Variants in CRPPA observed in about 807,000 individuals in gnomAD.
CRPPA encodes D-ribitol-5-phosphate cytidylyltransferase.
Under a neutral mutation model 52.0 loss-of-function variants are expected in CRPPA, and 43 were observed. The ratio of observed to expected loss-of-function variants is 0.83; its 90% CI spans 0.65 to 1.07. The LOEUF (loss-of-function observed/expected upper bound fraction) is 1.07, where lower values mean the gene tolerates loss of function less well. Ranked by LOEUF, CRPPA falls within the 50% of genes least tolerant of loss-of-function variation. The probability of loss-of-function intolerance (pLI) is 0.00; values close to 1 mark genes in which losing one functional copy is unlikely to be tolerated. For synonymous variants in CRPPA, 250 were observed against 203.5 expected (o/e 1.23, Z -1.94); for missense variants, 629 against 551.7 (o/e 1.14, Z -1.40).
chr7:16,393,882 G>A (rs1787504723), intron 2 of CRPPA, among the ~76,000 whole-genome samples: 1 of 151,426 alleles, frequency 6.6e-6, no homozygotes, highest in Non-Finnish European at 1.5e-5. Context: ...ATAAAAATAG[G>A]GTAAATTCTT....
chr7:16,412,993 T>C (rs890931494), intron 1 of CRPPA, among the ~76,000 whole-genome samples: 1 of 152,148 alleles, frequency 6.6e-6, no homozygotes, highest in Non-Finnish European at 1.5e-5. Flanking sequence ...ATGAAACAGA[T>C]GGGAAAGATC....
chr7:16,108,755 C>G (rs1171946308), intron 9 of CRPPA, among the ~76,000 whole-genome samples: 2 of 151,824 alleles, frequency 1.3e-5, no homozygotes, highest in Non-Finnish European at 1.5e-5. Context: ...TATATTAAGT[C>G]TCTTTTCTGA....
intron 9 of CRPPA, among the ~76,000 whole-genome samples, chr7:16,205,639 T>A (rs929371844): frequency 6.6e-6 from 1 of 152,144 alleles, no homozygotes; most frequent in Non-Finnish European, 1.5e-5. Context: ...GACTCAAGGA[T>A]CATGCTTATT....
chr7:16,172,391 TA>T (rs1781207980), intron 9 of CRPPA, among the ~76,000 whole-genome samples: 1 of 151,932 alleles, frequency 6.6e-6, no homozygotes, highest in Non-Finnish European at 1.5e-5. Context: ...GAAAAAATGG[TA>T]AAGAGCAGAG....
chr7:16,286,064 T>TTTAAAAAAAAAAAAAAA (rs1562608509), intron 5 of CRPPA, among the ~76,000 whole-genome samples: 2 of 29,768 alleles, frequency 6.7e-5, no homozygotes, highest in East Asian at 7.1e-4. Flanking sequence ...TATATATATA[T>TTTAAAAAAAAAAAAAAA]ATATATATAT....
chr7:16,262,033 A>G (rs1009802841), intron 6 of CRPPA: 9 of 152,046 alleles, frequency 5.9e-5, no homozygotes, highest in Non-Finnish European at 1.2e-4. Context: ...TTGCTTGTTT[A>G]TGGGTTTTGC....
At chr7:16,275,235 T>A (rs1784176838) in intron 6 of CRPPA, among the ~76,000 whole-genome samples, 1 of 152,132 alleles carries the variant, frequency 6.6e-6, no homozygotes, top group African/African-American at 2.4e-5. Context: ...GCCATTCCAT[T>A]CTGGGAATAG....
At chr7:16,256,985 C>T (rs1247747898) in intron 8 of CRPPA, among the ~76,000 whole-genome samples, 1 of 152,018 alleles carries the variant, frequency 6.6e-6, no homozygotes, top group African/African-American at 2.4e-5. Flanking sequence ...AATTTGGAGT[C>T]ATCTCATCCA....
chr7:16,267,380 G>C (rs1783982741), intron 6 of CRPPA, among the ~76,000 whole-genome samples: 1 of 152,058 alleles, frequency 6.6e-6, no homozygotes, highest in Non-Finnish European at 1.5e-5. Flanking sequence ...TTAGATTTGG[G>C]GTAAAGCTAA....
intron 9 of CRPPA, among the ~76,000 whole-genome samples, chr7:16,198,528 G>A (rs1781784576): frequency 8.4e-6 from 1 of 118,838 alleles, no homozygotes; most frequent in African/African-American, 3.5e-5. Context: ...AATACTAAGG[G>A]AACTCAGAGG....
At chr7:16,288,441 T>C (rs1331571644) in intron 5 of CRPPA, among the ~76,000 whole-genome samples, 2 of 151,980 alleles carry the variant, frequency 1.3e-5, no homozygotes, top group Admixed American at 6.6e-5. Context: ...ATTCCAACTT[T>C]ATTAGGATGT....
chr7:16,350,031 G>T (rs570495358), intron 3 of CRPPA, among the ~76,000 whole-genome samples: 75 of 151,942 alleles, frequency 4.9e-4, no homozygotes, highest in African/African-American at 1.6e-3. Context: ...AGACATGTGA[G>T]CCCCCATAAA....
intron 9 of CRPPA, among the ~76,000 whole-genome samples, chr7:16,203,950 T>C (rs1244972547): frequency 6.6e-6 from 1 of 152,174 alleles, no homozygotes; most frequent in Non-Finnish European, 1.5e-5. Flanking sequence ...TTGACACACG[T>C]ATTAATTCAT....
chr7:16,172,405 C>T (rs1321137860), intron 9 of CRPPA, among the ~76,000 whole-genome samples: 8 of 152,040 alleles, frequency 5.3e-5, no homozygotes, highest in African/African-American at 1.9e-4. Flanking sequence ...GAGCAGAGGG[C>T]CCGTGTGTCC....
chr7:16,272,324 G>T (rs1197713490), intron 6 of CRPPA, among the ~76,000 whole-genome samples: 1 of 152,052 alleles, frequency 6.6e-6, no homozygotes, highest in Non-Finnish European at 1.5e-5. Context: ...TTAGATGTTT[G>T]GTTCACCTGT....
intron 9 of CRPPA, among the ~76,000 whole-genome samples, chr7:16,194,821 G>C (rs1195599052): frequency 6.8e-6 from 1 of 146,822 alleles, no homozygotes; most frequent in Non-Finnish European, 1.5e-5. Context: ...GCTCCGGTGA[G>C]TTTAAAACCT....
At chr7:16,222,463 A>G (rs1426698638) in intron 8 of CRPPA, among the ~76,000 whole-genome samples, 1 of 152,026 alleles carries the variant, frequency 6.6e-6, no homozygotes, top group Non-Finnish European at 1.5e-5. Flanking sequence ...AAAAAGAAAA[A>G]AAGAAAAACC....
At chr7:16,398,198 G>A (rs528726366) in intron 2 of CRPPA, among the ~76,000 whole-genome samples, 1 of 152,014 alleles carries the variant, frequency 6.6e-6, no homozygotes, top group South Asian at 2.1e-4. Context: ...AACATGACAC[G>A]TGATCAAGAC....
intron 3 of CRPPA, among the ~76,000 whole-genome samples, chr7:16,310,563 C>A (rs539980733): frequency 6.6e-6 from 1 of 152,158 alleles, no homozygotes; most frequent in South Asian, 2.1e-4. Context: ...AATTTTAAAT[C>A]AGGTGACGGG....
Sources: allele counts gnomAD v4.1 joint callset (sites outside exome capture counted in the v4.1 genomes callset), GRCh38; gene constraint gnomAD v4.1.1; transcripts MANE v1.5; gene names NCBI Gene and HGNC (gene_info 2026-07-23, HGNC 2026-07-21).